The following MROH9 variants were observed in gnomAD, a reference collection of about 807,000 sequenced individuals.
MROH9 encodes the protein maestro heat-like repeat-containing protein family member 9.
A neutral mutation model predicts 98.2 loss-of-function variants in MROH9; 92 were observed. The observed-to-expected ratio is 0.94, with a 90% CI of 0.79 to 1.11. The LOEUF is 1.11. Among genes scored for constraint, MROH9 ranks in the 50% most tolerant of loss-of-function variants. The pLI is 0.00. For synonymous variants in MROH9, 397 were observed against 368.9 expected (o/e 1.08, Z -0.87); for missense variants, 1,057 against 1,014.8 (o/e 1.04, Z -0.57).
At chr1:171,006,216 G>GTTT (rs143919013) in intron 15 of MROH9, among the ~76,000 whole-genome samples, 13,811 of 151,672 alleles carry the variant, frequency 0.091, 744 homozygotes, top group Middle Eastern at 0.17. Flanking sequence ...TGGTTGTCAG[G>GTTT]TTTTTTTTCT....
chr1:171,031,069 T>C (rs1453669122), intron 20 of MROH9, among the ~76,000 whole-genome samples: 1 of 152,146 alleles, frequency 6.6e-6, no homozygotes, highest in African/African-American at 2.4e-5. Flanking sequence ...TCTTTCTTGG[T>C]TTTAAAGTCT....
chr1:170,965,719 G>T (rs933922045), intron 7 of MROH9, among the ~76,000 whole-genome samples: 1 of 151,978 alleles, frequency 6.6e-6, no homozygotes, highest in Non-Finnish European at 1.5e-5. Flanking sequence ...CACCAACCCT[G>T]TCCTTAGCCA....
chr1:170,996,690 C>G lies in MROH9; in HGVS notation c.1475+46C>G, dbSNP rs114839129. 1,122 of 1,576,516 alleles carry G rather than the reference C, an allele frequency of 7.1e-4. 9 individuals carry two copies. In the African/African-American group the frequency reaches 0.014, roughly 19 times the overall value. On this transcript the variant is annotated intron_variant, in intron 14 of 21. Transcript: ENST00000367759. ...GTAGGATTCTTGGTCTCTATCCTACCTTCTCCAACTTCCTTCAATAAGCCA... is the reference window on the plus strand; with the variant it reads ...GTAGGATTCTTGGTCTCTATCCTACGTTCTCCAACTTCCTTCAATAAGCCA...
intron 20 of MROH9, among the ~76,000 whole-genome samples, chr1:171,047,510 T>C (rs1363590520): frequency 6.6e-6 from 1 of 152,228 alleles, no homozygotes; most frequent in Non-Finnish European, 1.5e-5. Context: ...TTCTTTTTCA[T>C]CATTTTAATC....
At chr1:170,996,440 G>T in intron 13 of MROH9, 67 bp from the exon 14 acceptor site, 2 of 1,560,354 alleles carry the variant, frequency 1.3e-6, no homozygotes, top group East Asian at 2.3e-5. Flanking sequence ...TAAAAGGCAG[G>T]TAATGTGTAT....
intron 4 of MROH9, 79 bp from the exon 5 acceptor site, chr1:170,959,375 AAAATAAAT>A (rs77715144): frequency 2.5e-6 from 3 of 1,209,282 alleles, no homozygotes; most frequent in Non-Finnish European, 3.3e-6. Flanking sequence ...ACTCTGTCTC[AAAATAAAT>A]AAATAAATAA....
chr1:170,969,772 G>A (rs553562713), intron 7 of MROH9, among the ~76,000 whole-genome samples: 138 of 152,254 alleles, frequency 9.1e-4, no homozygotes, highest in South Asian at 2.7e-3. Flanking sequence ...AGTGAATACC[G>A]AGAAGCTACT....
intron 20 of MROH9, among the ~76,000 whole-genome samples, chr1:171,055,749 G>A (rs1055852345): frequency 1.1e-4 from 16 of 151,966 alleles, no homozygotes; most frequent in Admixed American, 1.0e-3. Context: ...GGCAGTCGGA[G>A]GCTTCCATTG....
chr1:170,994,334 G>C (rs923485304), intron 12 of MROH9, among the ~76,000 whole-genome samples: 2 of 152,118 alleles, frequency 1.3e-5, no homozygotes, highest in Non-Finnish European at 2.9e-5. Flanking sequence ...CGTGACTGCT[G>C]TTAGTATACC....
At chr1:171,009,486 G>A (rs911212000) in intron 15 of MROH9, among the ~76,000 whole-genome samples, 1 of 152,120 alleles carries the variant, frequency 6.6e-6, no homozygotes, top group African/African-American at 2.4e-5. Flanking sequence ...AAGCAAATAA[G>A]TAAATATATT....
At chr1:170,956,672 A>G (rs1469248049) in intron 3 of MROH9, among the ~76,000 whole-genome samples, 2 of 139,218 alleles carry the variant, frequency 1.4e-5, no homozygotes, top group East Asian at 2.1e-4. Flanking sequence ...CTGTTGGTAT[A>G]TAGAAGAGCT....
chr1:170,973,588 T>A (rs1362530964), intron 8 of MROH9, among the ~76,000 whole-genome samples: 1 of 151,944 alleles, frequency 6.6e-6, no homozygotes, highest in Non-Finnish European at 1.5e-5. Context: ...TTAAAAAAAA[T>A]TATTAGGTTG....
At chr1:170,945,447 C>A in intron 1 of MROH9, 73 bp from the exon 2 acceptor site, 1 of 929,340 alleles carries the variant, frequency 1.1e-6, no homozygotes, top group African/African-American at 1.6e-5. Context: ...ATAGTACCAT[C>A]CATATTGATA....
At chr1:171,014,460 CTTT>C (rs200306246) in intron 16 of MROH9, among the ~76,000 whole-genome samples, 5 of 141,588 alleles carry the variant, frequency 3.5e-5, no homozygotes, top group Admixed American at 1.4e-4. Context: ...TATCGCCTTA[CTTT>C]TTTTTTTTTT....
At chr1:170,948,391 G>A (rs1382106154) in intron 3 of MROH9, among the ~76,000 whole-genome samples, 1 of 151,990 alleles carries the variant, frequency 6.6e-6, no homozygotes, top group African/African-American at 2.4e-5. Context: ...TGGACAAATT[G>A]ATTTTTCCAG....
chr1:170,948,796 G>A (rs898989065), intron 3 of MROH9, among the ~76,000 whole-genome samples: 11 of 152,022 alleles, frequency 7.2e-5, no homozygotes, highest in Admixed American at 2.0e-4. Context: ...TGAAAGATGA[G>A]TAGAATGCCT....
chr1:170,973,168 A>C (rs114065563), intron 8 of MROH9, among the ~76,000 whole-genome samples: 2,379 of 152,254 alleles, frequency 0.016, 24 homozygotes, highest in Middle Eastern at 0.027. Context: ...ATCTGCAGAG[A>C]TCTAAAGAGA....
intron 20 of MROH9, among the ~76,000 whole-genome samples, chr1:171,048,347 C>T (rs116478886): frequency 3.3e-3 from 503 of 152,258 alleles, no homozygotes; most frequent in African/African-American, 0.011. Flanking sequence ...GCTTAGCTGA[C>T]CCTCAAACTG....
rs116288502 is a variant in MROH9 at position 170,947,154 on chromosome 1, C to T, written c.26-373C>T. 9.2e-3 allele frequency among the ~76,000 whole-genome samples: 1,401 copies of T among 152,018 alleles called. 28 individuals carry two copies. The highest frequency in any genetic ancestry group is 0.032 in the African/African-American group (1,321 of 41,492). On this transcript the variant is annotated intron_variant, in intron 2 of 21. Coordinates refer to ENST00000367759, the MANE Select transcript of MROH9 (RefSeq NM_001163629.2). ...TAGCCATTTTATTTAAAAATGTTAT[C>T]AAGTTCATATTTAAAATCTTATAAA... is the stretch of plus-strand genomic sequence containing the variant.
Sources: allele counts gnomAD v4.1 joint callset (sites outside exome capture counted in the v4.1 genomes callset), GRCh38; gene constraint gnomAD v4.1.1; transcripts MANE v1.5; gene names NCBI Gene and HGNC (gene_info 2026-07-23, HGNC 2026-07-21).